SPAG16: variants seen among roughly 807,000 people sequenced by gnomAD.
SPAG16 encodes the protein sperm-associated antigen 16 protein.
SPAG16 carries 86 observed loss-of-function variants against 80.4 expected under a neutral mutation model. The observed-to-expected ratio is 1.07, with a 90% CI of 0.90 to 1.28. The LOEUF (loss-of-function observed/expected upper bound fraction) is 1.28. SPAG16 is among the 50% of genes most tolerant of loss of function. SPAG16 has a pLI of 0.00. For synonymous variants in SPAG16, 294 were observed against 265.9 expected (o/e 1.11, Z -1.03); for missense variants, 870 against 765.3 (o/e 1.14, Z -1.61).
intron 15 of SPAG16, chr2:214,238,388 G>C (rs1689222244): frequency 6.1e-6 from 1 of 164,982 alleles, no homozygotes; most frequent in African/African-American, 2.4e-5. Context: ...ACTTTATTCA[G>C]GGATTATTTT....
intron 10 of SPAG16, among the ~76,000 whole-genome samples, chr2:213,788,670 C>G (rs1273089064): frequency 1.3e-5 from 2 of 151,952 alleles, no homozygotes; most frequent in Non-Finnish European, 2.9e-5. Flanking sequence ...TAGACTACAT[C>G]ACTGGGACCT....
At chr2:213,901,622 A>G (rs10206641) in intron 11 of SPAG16, among the ~76,000 whole-genome samples, 88,293 of 151,382 alleles carry the variant, frequency 0.58, 27,507 homozygotes, top group South Asian at 0.84. Flanking sequence ...GAAAACATGT[A>G]AACTTGTACA....
At chr2:214,383,347 CA>C (rs949434863) in intron 15 of SPAG16, among the ~76,000 whole-genome samples, 3 of 152,026 alleles carry the variant, frequency 2.0e-5, no homozygotes, top group Admixed American at 6.6e-5. Flanking sequence ...CTGTGGCAGG[CA>C]GATCACCTGA....
At chr2:213,698,984 T>C (rs2065280647) in intron 10 of SPAG16, among the ~76,000 whole-genome samples, 1 of 152,196 alleles carries the variant, frequency 6.6e-6, no homozygotes, top group African/African-American at 2.4e-5. Flanking sequence ...TGGGCAAATA[T>C]TAGTATCGCT....
intron 12 of SPAG16, among the ~76,000 whole-genome samples, chr2:214,013,138 A>G (rs2047400556): frequency 6.6e-6 from 1 of 151,628 alleles, no homozygotes; most frequent in Non-Finnish European, 1.5e-5. Context: ...ATCAATTGGC[A>G]TAGAATGTCT....
At chr2:214,374,810 C>T (rs1344130850) in intron 15 of SPAG16, among the ~76,000 whole-genome samples, 27 of 152,168 alleles carry the variant, frequency 1.8e-4, no homozygotes, top group Admixed American at 1.6e-3. Flanking sequence ...ATCACAAAAT[C>T]ATTTAGCTCA....
intron 15 of SPAG16, among the ~76,000 whole-genome samples, chr2:214,402,157 A>C (rs1248550371): frequency 1.3e-5 from 2 of 152,034 alleles, no homozygotes; most frequent in Non-Finnish European, 2.9e-5. Context: ...AAAATCAAAT[A>C]TTTCTGTCAA....
At position 214,224,445 on chromosome 2, in the gene SPAG16, T is replaced by A. The variant is rs117951038; in HGVS notation, c.1720+75179T>A. 2.7e-3 allele frequency among the ~76,000 whole-genome samples: 406 copies of A among 152,304 alleles called. 9 individuals are homozygous for A. The highest frequency in any genetic ancestry group is 0.023 in the East Asian group (119 of 5,186). ...CTTCAGTATGTGCAAATACTATAAT[T>A]TTGATGTATAAGTACAATCACAGAT... On this transcript the variant is annotated intron_variant, in intron 15 of 15. Coordinates refer to ENST00000331683, the MANE Select transcript of SPAG16 (RefSeq NM_024532.5).
intron 10 of SPAG16, among the ~76,000 whole-genome samples, chr2:213,730,370 T>C (rs1486007263): frequency 6.6e-6 from 1 of 152,244 alleles, no homozygotes; most frequent in African/African-American, 2.4e-5. Flanking sequence ...AGCATATTTT[T>C]ACCATAAGAG....
rs1438559924 is a variant in SPAG16 at position 213,707,408 on chromosome 2, C to G, written c.1071-155077C>G. ...ACTCACTGTTACTCACTCTTCATGT[C>G]AAGTTATTAGAAATTCTCTTTCTCA... On this transcript the variant is annotated intron_variant, in intron 10 of 15. Coordinates refer to ENST00000331683, the MANE Select transcript of SPAG16 (RefSeq NM_024532.5). Among the ~76,000 whole-genome samples the G allele has an allele frequency of 2.0e-5, 3 of 152,182 alleles. No homozygotes were observed. The East Asian group carries it at 5.8e-4, about 29-fold the overall frequency.
At chr2:214,234,979 T>C (rs936822251) in intron 15 of SPAG16, among the ~76,000 whole-genome samples, 1 of 152,142 alleles carries the variant, frequency 6.6e-6, no homozygotes, top group Non-Finnish European at 1.5e-5. Flanking sequence ...TGCACCACTT[T>C]TCAGAAATAT....
intron 12 of SPAG16, among the ~76,000 whole-genome samples, chr2:213,934,818 G>C (rs777134861): frequency 1.1e-4 from 17 of 152,116 alleles, no homozygotes; most frequent in Non-Finnish European, 2.2e-4. Flanking sequence ...GAAACTGAAA[G>C]AACAATTGTC....
intron 15 of SPAG16, among the ~76,000 whole-genome samples, chr2:214,197,410 A>G (rs1293033904): frequency 6.6e-6 from 1 of 152,002 alleles, no homozygotes; most frequent in Non-Finnish European, 1.5e-5. Context: ...ACATTAAAAT[A>G]AAACATCATT....
intron 10 of SPAG16, among the ~76,000 whole-genome samples, chr2:213,646,056 C>A (rs527312077): frequency 6.6e-6 from 1 of 152,334 alleles, no homozygotes; most frequent in African/African-American, 2.4e-5. Context: ...TAGTGCCTCA[C>A]AATTGCTGTG....
intron 12 of SPAG16, 77 bp from the exon 13 acceptor site, chr2:214,013,874 C>A: frequency 7.2e-7 from 1 of 1,394,470 alleles, no homozygotes; most frequent in Non-Finnish European, 9.6e-7. Context: ...TGCCTCAGTT[C>A]CTTAAATTAT....
rs550563627 is a variant in SPAG16, at chr2:213,335,807, A to C, written c.537-4356A>C. 6.2e-4 allele frequency among the ~76,000 whole-genome samples: 94 copies of C among 152,302 alleles called. 1 individual carries two copies. Among genetic ancestry groups the C allele is most frequent in the East Asian group, 2.9e-3 (15 of 5,192 alleles). Reference sequence around the variant, plus strand: ...GAACATTGTTTATTTACGTGTAATGAAAACTACAAAATTGGCAGTAAAATA... The same window carrying C: ...GAACATTGTTTATTTACGTGTAATGCAAACTACAAAATTGGCAGTAAAATA... On this transcript the variant is annotated intron_variant, in intron 5 of 15. Coordinates refer to ENST00000331683, the MANE Select transcript of SPAG16 (RefSeq NM_024532.5).
chr2:214,144,388 A>T (rs1214333678), intron 14 of SPAG16, among the ~76,000 whole-genome samples: 1 of 151,690 alleles, frequency 6.6e-6, no homozygotes, highest in African/African-American at 2.4e-5. Flanking sequence ...ATGTAACCAC[A>T]GTTTGGCATA....
At chr2:213,722,460 C>T (rs1396626845) in intron 10 of SPAG16, among the ~76,000 whole-genome samples, 1 of 151,992 alleles carries the variant, frequency 6.6e-6, no homozygotes, top group Non-Finnish European at 1.5e-5. Context: ...AAATTTTAGG[C>T]CTAGCTATAT....
At chr2:213,867,504 T>C (rs2075738893) in intron 11 of SPAG16, among the ~76,000 whole-genome samples, 2 of 152,238 alleles carry the variant, frequency 1.3e-5, no homozygotes, top group Non-Finnish European at 2.9e-5. Context: ...GCCTACTTTA[T>C]AGTTTGATTG....
Sources: allele counts gnomAD v4.1 joint callset (sites outside exome capture counted in the v4.1 genomes callset), GRCh38; gene constraint gnomAD v4.1.1; transcripts MANE v1.5; gene names NCBI Gene and HGNC (gene_info 2026-07-23, HGNC 2026-07-21).